GALNT13: variants seen among roughly 807,000 people sequenced by gnomAD.
The protein encoded by GALNT13 is UDP-GalNAc:polypeptide N-acetylgalactosaminyltransferase 13.
Under a neutral mutation model 64.2 loss-of-function variants are expected in GALNT13, and 28 were observed. The observed-to-expected ratio is 0.44, with a 90% CI of 0.32 to 0.60. The LOEUF (loss-of-function observed/expected upper bound fraction) is 0.60. GALNT13 is among the 20% of genes least tolerant of loss of function. The pLI, the probability that GALNT13 is intolerant of heterozygous loss-of-function variation, is 0.05. For missense variants in GALNT13, 577 were observed against 669.8 expected (o/e 0.86, Z 1.53); for synonymous variants, 214 against 224.6 (o/e 0.95, Z 0.42).
the GALNT13 span, among the ~76,000 whole-genome samples, chr2:153,318,174 A>G: frequency 2.7e-5 from 4 of 145,884 alleles, no homozygotes; most frequent in African/African-American, 7.7e-5. Flanking sequence ...ATTTACATTC[A>G]TCTCCCATTC....
intron 1 of GALNT13, among the ~76,000 whole-genome samples, chr2:153,878,979 A>G (rs557521102): frequency 6.6e-6 from 1 of 152,292 alleles, no homozygotes; most frequent in East Asian, 1.9e-4. Flanking sequence ...TATTCATTGT[A>G]GTTACAGGTG....
At chr2:153,980,037 G>C (rs911825616) in intron 3 of GALNT13, among the ~76,000 whole-genome samples, 1 of 152,266 alleles carries the variant, frequency 6.6e-6, no homozygotes. Flanking sequence ...AGAATTGCAT[G>C]TTGAATTACA....
the GALNT13 span, among the ~76,000 whole-genome samples, chr2:153,729,950 T>C: frequency 6.9e-6 from 1 of 145,014 alleles, no homozygotes. Flanking sequence ...CACAAATACA[T>C]GCAAAAAAAA....
intron 3 of GALNT13, among the ~76,000 whole-genome samples, chr2:154,099,400 G>GT (rs1702234929): frequency 1.3e-5 from 2 of 152,042 alleles, no homozygotes; most frequent in African/African-American, 4.8e-5. Context: ...TTCTTTTGCT[G>GT]TGCAGAAGCA....
chr2:153,679,891 G>A, the GALNT13 span, among the ~76,000 whole-genome samples: 1 of 151,804 alleles, frequency 6.6e-6, no homozygotes, highest in South Asian at 2.1e-4. Context: ...TCTTCAATGA[G>A]TCTTGCTTAA....
intron 9 of GALNT13, among the ~76,000 whole-genome samples, chr2:154,345,482 C>T (rs1406863410): frequency 1.3e-5 from 2 of 151,968 alleles, no homozygotes; most frequent in Non-Finnish European, 2.9e-5. Flanking sequence ...CTAGCTATAC[C>T]TGGCTTCTGA....
chr2:154,145,100 CTATATATATA>C (rs1553484442), intron 4 of GALNT13, among the ~76,000 whole-genome samples: 3 of 119,532 alleles, frequency 2.5e-5, no homozygotes, highest in African/African-American at 9.1e-5. Flanking sequence ...ATCTATCTAT[CTATATATATA>C]TATATATATA....
chr2:153,233,861 T>G, the GALNT13 span, among the ~76,000 whole-genome samples: 3 of 152,240 alleles, frequency 2.0e-5, no homozygotes, highest in African/African-American at 7.2e-5. Flanking sequence ...AGAAATTTAT[T>G]TCCAGCAAAA....
At chr2:153,102,771 T>C in the GALNT13 span, among the ~76,000 whole-genome samples, 5 of 152,146 alleles carry the variant, frequency 3.3e-5, no homozygotes, top group African/African-American at 4.8e-5. Context: ...TGGTGTGCCA[T>C]GTCAAATAGT....
intron 8 of GALNT13, among the ~76,000 whole-genome samples, chr2:154,274,143 C>T (rs1166949978): frequency 6.6e-6 from 1 of 151,916 alleles, no homozygotes; most frequent in African/African-American, 2.4e-5. Flanking sequence ...CTGTGGATGG[C>T]ATATACGCAA....
the GALNT13 span, among the ~76,000 whole-genome samples, chr2:153,585,137 G>A: frequency 6.6e-6 from 1 of 152,216 alleles, no homozygotes; most frequent in South Asian, 2.1e-4. Context: ...AGCTTGAGGA[G>A]ATGCAAGAGA....
At chr2:153,629,135 G>A in the GALNT13 span, among the ~76,000 whole-genome samples, 1 of 152,212 alleles carries the variant, frequency 6.6e-6, no homozygotes, top group Admixed American at 6.6e-5. Context: ...TATTTGCATA[G>A]AGGTGTTTGT....
chr2:153,526,037 A>T, the GALNT13 span, among the ~76,000 whole-genome samples: 1 of 152,256 alleles, frequency 6.6e-6, no homozygotes, highest in African/African-American at 2.4e-5. Flanking sequence ...GCTGCAGTAC[A>T]ATAGAACACC....
chr2:154,054,388 A>G (rs945965705), intron 3 of GALNT13, among the ~76,000 whole-genome samples: 3 of 151,986 alleles, frequency 2.0e-5, no homozygotes, highest in African/African-American at 4.8e-5. Context: ...TTCCTCTGCT[A>G]TTATTCAGAT....
chr2:153,833,480 ATCT>A, the GALNT13 span, among the ~76,000 whole-genome samples: 24 of 152,282 alleles, frequency 1.6e-4, no homozygotes, highest in African/African-American at 4.6e-4. Flanking sequence ...GTAAGAACAA[ATCT>A]TCTATCTGTG....
chr2:154,063,362 C>T lies in GALNT13; in HGVS notation c.143-76975C>T, dbSNP rs116107717. Reference sequence around the variant, plus strand: ...GATTTGGTCTATGTTTCATTGATAACCTCTACTGTCCTCATGTTTTTCATG... The same window carrying T: ...GATTTGGTCTATGTTTCATTGATAATCTCTACTGTCCTCATGTTTTTCATG... On this transcript the variant is annotated intron_variant, in intron 3 of 12. Coordinates refer to ENST00000392825, the MANE Select transcript of GALNT13 (RefSeq NM_052917.4). 5.3e-3 allele frequency among the ~76,000 whole-genome samples: 812 copies of T among 152,124 alleles called. 5 individuals are homozygous for T. The highest frequency in any genetic ancestry group is 0.018 in the African/African-American group (766 of 41,494).
the GALNT13 span, among the ~76,000 whole-genome samples, chr2:153,803,461 G>A: frequency 6.6e-6 from 1 of 152,110 alleles, no homozygotes; most frequent in Admixed American, 6.5e-5. Context: ...GGGAGGCCAA[G>A]GCGGGCGGAT....
intron 3 of GALNT13, among the ~76,000 whole-genome samples, chr2:153,948,407 A>T (rs1691927172): frequency 6.6e-6 from 1 of 152,086 alleles, no homozygotes. Flanking sequence ...TGTTGGTGGG[A>T]GTGTAAATTA....
chr2:153,478,494 C>T, the GALNT13 span: 4 of 1,611,148 alleles, frequency 2.5e-6, no homozygotes, highest in African/African-American at 5.3e-5. Context: ...GCACGGCTCG[C>T]TCCAGCGCCT....
Sources: gnomAD v4.1 joint callset for allele counts (sites outside exome capture counted in the v4.1 genomes callset) on GRCh38, gnomAD v4.1.1 for gene constraint, MANE v1.5 for transcripts, NCBI Gene and HGNC (gene_info 2026-07-23, HGNC 2026-07-21) for gene names.